The following ASAH2B variants were observed in gnomAD, a reference collection of about 807,000 sequenced individuals.
ASAH2B encodes the protein N-acylsphingosine amidohydrolase 2B, also known as putative inactive neutral ceramidase B.
A neutral mutation model predicts 2.9 loss-of-function variants in ASAH2B; 1 was observed. The ratio of observed to expected loss-of-function variants is 0.34; its 90% CI spans 0.12 to 1.63. The LOEUF (loss-of-function observed/expected upper bound fraction) is 1.63. ASAH2B is among the 40% of genes most tolerant of loss of function. The pLI, the probability that ASAH2B is intolerant of heterozygous loss-of-function variation, is 0.36. For synonymous variants in ASAH2B, 4 were observed against 13.3 expected (o/e 0.30, Z 1.52); for missense variants, 9 against 37.7 (o/e 0.24, Z 1.99).
At chr10:50,743,658 T>C (rs1839866859) in intron 2 of ASAH2B, 3 of 151,638 alleles carry the variant, frequency 2.0e-5, no homozygotes, top group African/African-American at 7.3e-5. Context: ...CTGAACAAGT[T>C]TACTTGATTT....
At chr10:50,742,094 A>C (rs943386993) in intron 1 of ASAH2B, among the ~76,000 whole-genome samples, 11 of 152,218 alleles carry the variant, frequency 7.2e-5, no homozygotes, top group African/African-American at 2.7e-4. Context: ...CTATATAACA[A>C]ACCTGCACAT....
intron 2 of ASAH2B, among the ~76,000 whole-genome samples, 183 bp downstream of exon 2, chr10:50,743,193 C>A (rs1301352127): frequency 1.1e-4 from 17 of 152,120 alleles, no homozygotes; most frequent in Admixed American, 2.0e-4. Context: ...AATAAAATTT[C>A]TTTCCCAATT....
intron 5 of ASAH2B, among the ~76,000 whole-genome samples, chr10:50,754,245 C>T (rs1837034394): frequency 1.4e-5 from 2 of 147,862 alleles, no homozygotes; most frequent in African/African-American, 5.0e-5. Context: ...CTTTGCAATT[C>T]TACAGCAGGA....
At chr10:50,748,600 G>A (rs1839941230) in intron 3 of ASAH2B, among the ~76,000 whole-genome samples, 1 of 151,274 alleles carries the variant, frequency 6.6e-6, no homozygotes, top group Admixed American at 6.6e-5. Flanking sequence ...GCAAACTTGA[G>A]GGGAGCTTTC....
At chr10:50,742,315 A>G (rs1335841038) in intron 1 of ASAH2B, among the ~76,000 whole-genome samples, 1 of 152,118 alleles carries the variant, frequency 6.6e-6, no homozygotes, top group South Asian at 2.1e-4. Flanking sequence ...CTGCCGGCTG[A>G]TCCTCACATG....
intron 1 of ASAH2B, among the ~76,000 whole-genome samples, chr10:50,740,192 G>A (rs1839807214): frequency 6.6e-6 from 1 of 152,138 alleles, no homozygotes; most frequent in Non-Finnish European, 1.5e-5. Context: ...AGCCTGACGG[G>A]GAGGGAAGGT....
At chr10:50,743,075 T>C (rs1839857155) in intron 2 of ASAH2B, 65 bp downstream of exon 2, 8 of 1,541,842 alleles carry the variant, frequency 5.2e-6, no homozygotes, top group South Asian at 1.1e-5. Flanking sequence ...TGTATGTGTC[T>C]GTGTCTGGGT....
rs894325307 is a variant in ASAH2B at position 50,758,562 on chromosome 10, C to T, written c.*3822C>T. 3 of 150,006 alleles carry T rather than the reference C, an allele frequency of 2.0e-5. No individual in the cohort carries two copies. The Admixed American group carries it at 2.0e-4, about 10-fold the overall frequency. The allele number at this position is 150,006 out of a possible 1,614,324, so 9.3% of individuals were successfully genotyped here. A position where few individuals can be genotyped will look rare whatever the true frequency, so the allele number is the denominator to read the frequency against. On this transcript the variant is annotated 3_prime_UTR_variant, in exon 6 of 6. Transcript: ENST00000647317. ...TGGGCAAGCAATAATATCTGCATAT[C>T]CAAATTAACTGCTCTTTGAAATAAT...
intron 1 of ASAH2B, among the ~76,000 whole-genome samples, chr10:50,741,154 T>C (rs1839825002): frequency 1.3e-5 from 2 of 152,242 alleles, no homozygotes; most frequent in Admixed American, 1.3e-4. Flanking sequence ...TTCAGTTTCT[T>C]TAAGAACATT....
chr10:50,748,953 A>G (rs1216126130), intron 3 of ASAH2B, among the ~76,000 whole-genome samples: 2 of 152,012 alleles, frequency 1.3e-5, no homozygotes, highest in African/African-American at 2.4e-5. Flanking sequence ...ATAAAAGCTT[A>G]ACTATAAATG....
rs1198799086 is a variant in ASAH2B, at chr10:50,756,435, C to T, written c.*1695C>T. 1 of 151,884 alleles carries T rather than the reference C, an allele frequency of 6.6e-6. No homozygotes were observed. Among genetic ancestry groups the T allele is most frequent in the Non-Finnish European group, 1.5e-5 (1 of 67,850 alleles). 9.4% of individuals were successfully genotyped at this position (151,884 alleles called of 1,614,324 possible). Reference sequence around the variant, plus strand: ...AGTCTTCAGTGTAAAAGTTCAGAAGCCTAAAAGAACAAGTGATCCTGAAAG... The same window carrying T: ...AGTCTTCAGTGTAAAAGTTCAGAAGTCTAAAAGAACAAGTGATCCTGAAAG... On this transcript the variant is annotated 3_prime_UTR_variant, in exon 6 of 6. Coordinates refer to ENST00000647317, the MANE Select transcript of ASAH2B (RefSeq NM_001321958.2).
chr10:50,744,216 C>G (rs12266800), intron 2 of ASAH2B, among the ~76,000 whole-genome samples: 4,278 of 151,330 alleles, frequency 0.028, 258 homozygotes, highest in African/African-American at 0.097. Context: ...TGTCACTATG[C>G]TCATAGGTCT....
chr10:50,747,739 G>A (rs946554162), intron 3 of ASAH2B, among the ~76,000 whole-genome samples: 5 of 151,814 alleles, frequency 3.3e-5, no homozygotes, highest in South Asian at 2.1e-4. Context: ...AATAAATGCC[G>A]TATCATTTAG....
Position 50,754,952 on chromosome 10 carries a change from G to C in ASAH2B, c.*212G>C. 2 of 445,078 alleles carry C rather than the reference G, an allele frequency of 4.5e-6. No individual in the cohort carries two copies. Among genetic ancestry groups the C allele is most frequent in the Non-Finnish European group, 8.2e-6 (2 of 243,856 alleles). 27.6% of individuals were successfully genotyped at this position (445,078 alleles called of 1,614,324 possible). ...TGTGTGTGTGTATGTGAGAGAGAGA[G>C]AGAGAGAGAGAGGTTTGTCCCATAT... On this transcript the variant is annotated 3_prime_UTR_variant, in exon 6 of 6. Transcript: ENST00000647317.
intron 1 of ASAH2B, among the ~76,000 whole-genome samples, chr10:50,741,107 T>C (rs1387185589): frequency 6.6e-6 from 1 of 152,216 alleles, no homozygotes; most frequent in African/African-American, 2.4e-5. Flanking sequence ...CATGTGACTG[T>C]TTAGAGTTAG....
At chr10:50,746,241 G>A (rs1308961883) in intron 3 of ASAH2B, among the ~76,000 whole-genome samples, 1 of 151,416 alleles carries the variant, frequency 6.6e-6, no homozygotes, top group Non-Finnish European at 1.5e-5. Context: ...ATATAAGTGA[G>A]ATCATGTGGT....
intron 3 of ASAH2B, among the ~76,000 whole-genome samples, chr10:50,745,724 A>G (rs1192088887): frequency 1.3e-5 from 2 of 149,560 alleles, no homozygotes; most frequent in Non-Finnish European, 3.0e-5. Flanking sequence ...ATATAGTATC[A>G]TGTCATCTGT....
chr10:50,741,589 A>G, intron 1 of ASAH2B, among the ~76,000 whole-genome samples: 1 of 152,384 alleles, frequency 6.6e-6, no homozygotes, highest in South Asian at 2.1e-4. Flanking sequence ...AATAAAAAGT[A>G]AGAATGTATC....
At chr10:50,741,006 T>TA (rs1382534464) in intron 1 of ASAH2B, among the ~76,000 whole-genome samples, 1 of 152,268 alleles carries the variant, frequency 6.6e-6, no homozygotes, top group Non-Finnish European at 1.5e-5. Flanking sequence ...AAAAACGTTT[T>TA]AAATTTTTTA....
Sources: allele counts gnomAD v4.1 joint callset (sites outside exome capture counted in the v4.1 genomes callset), GRCh38; gene constraint gnomAD v4.1.1; transcripts MANE v1.5; gene names NCBI Gene and HGNC (gene_info 2026-07-23, HGNC 2026-07-21).